The following NKAIN2 variants were observed in gnomAD, a reference collection of about 807,000 sequenced individuals.
NKAIN2 encodes sodium/potassium transporting ATPase interacting 2, also known as sodium/potassium-transporting ATPase subunit beta-1-interacting protein 2.
A neutral mutation model predicts 32.6 loss-of-function variants in NKAIN2; 14 were observed. The ratio of observed to expected loss-of-function variants is 0.43; its 90% CI spans 0.28 to 0.67. The LOEUF (loss-of-function observed/expected upper bound fraction) is 0.67, where lower values mean the gene tolerates loss of function less well. NKAIN2 is among the 30% of genes least tolerant of loss of function. NKAIN2 has a pLI of 0.17. For missense variants in NKAIN2, 198 were observed against 258.3 expected (o/e 0.77, Z 1.60); for synonymous variants, 80 against 87.2 (o/e 0.92, Z 0.46).
chr6:124,180,109 C>CTGTG (rs375274872), intron 1 of NKAIN2, among the ~76,000 whole-genome samples: 166 of 149,726 alleles, frequency 1.1e-3, no homozygotes, highest in African/African-American at 3.7e-3. Context: ...TAGATATCTA[C>CTGTG]TGTGTGTGTG....
intron 1 of NKAIN2, among the ~76,000 whole-genome samples, chr6:123,900,829 C>T (rs902324247): frequency 5.3e-5 from 8 of 152,018 alleles, no homozygotes; most frequent in African/African-American, 1.9e-4. Flanking sequence ...TTCCTTGGGA[C>T]ATGGCTACCT....
At chr6:123,891,208 T>G (rs1773999870) in intron 1 of NKAIN2, among the ~76,000 whole-genome samples, 1 of 152,106 alleles carries the variant, frequency 6.6e-6, no homozygotes, top group Non-Finnish European at 1.5e-5. Flanking sequence ...AATTGAGAGT[T>G]GTTTAATGGG....
chr6:124,678,577 T>C (rs1224386667), intron 4 of NKAIN2, among the ~76,000 whole-genome samples: 1 of 152,172 alleles, frequency 6.6e-6, no homozygotes, highest in Non-Finnish European at 1.5e-5. Context: ...GTTTTAATAT[T>C]TTTCATCTCT....
chr6:124,108,360 T>C (rs899665017), intron 1 of NKAIN2, among the ~76,000 whole-genome samples: 1 of 152,110 alleles, frequency 6.6e-6, no homozygotes, highest in Non-Finnish European at 1.5e-5. Flanking sequence ...ATATTTTACT[T>C]GGGTGAAATA....
chr6:124,023,528 A>C (rs1465589968), intron 1 of NKAIN2, among the ~76,000 whole-genome samples: 1 of 152,028 alleles, frequency 6.6e-6, no homozygotes, highest in Non-Finnish European at 1.5e-5. Flanking sequence ...GTTCATTTTT[A>C]TGTCAACATC....
chr6:124,188,112 G>T (rs922776516), intron 1 of NKAIN2, among the ~76,000 whole-genome samples: 1 of 152,050 alleles, frequency 6.6e-6, no homozygotes, highest in African/African-American at 2.4e-5. Context: ...ATGAAAATGC[G>T]CCACAGTTCT....
intron 4 of NKAIN2, among the ~76,000 whole-genome samples, chr6:124,750,336 T>C (rs1320654333): frequency 6.6e-6 from 1 of 151,930 alleles, no homozygotes; most frequent in Non-Finnish European, 1.5e-5. Context: ...TCCATAACTG[T>C]GTATATTTAG....
intron 3 of NKAIN2, among the ~76,000 whole-genome samples, chr6:124,506,517 G>T (rs1778487891): frequency 6.6e-6 from 1 of 152,172 alleles, no homozygotes; most frequent in South Asian, 2.1e-4. Flanking sequence ...CCCAATTGAG[G>T]TTTTCATACC....
intron 1 of NKAIN2, among the ~76,000 whole-genome samples, chr6:124,207,158 G>A (rs1161504277): frequency 6.6e-6 from 1 of 151,626 alleles, no homozygotes; most frequent in East Asian, 1.9e-4. Flanking sequence ...CAGGTGCTAA[G>A]GCTCACACCT....
At chr6:124,302,629 A>T (rs1428562661) in intron 2 of NKAIN2, among the ~76,000 whole-genome samples, 1 of 152,178 alleles carries the variant, frequency 6.6e-6, no homozygotes, top group Non-Finnish European at 1.5e-5. Context: ...AATTAAAGCA[A>T]AACAGAAATA....
intron 5 of NKAIN2, among the ~76,000 whole-genome samples, chr6:124,806,243 G>T (rs1207299890): frequency 3.9e-5 from 6 of 152,178 alleles, no homozygotes; most frequent in Non-Finnish European, 8.8e-5. Context: ...CAGAGAGAAA[G>T]ATCGGGTTAC....
chr6:124,658,082 A>G (rs1240528692), intron 3 of NKAIN2, 104 bp from the exon 4 acceptor site: 1 of 902,600 alleles, frequency 1.1e-6, no homozygotes, highest in Non-Finnish European at 1.7e-6. Context: ...AAAAAAACAA[A>G]CAAACCCACA....
chr6:124,474,904 AT>A (rs1293410588), intron 3 of NKAIN2, among the ~76,000 whole-genome samples: 322 of 142,040 alleles, frequency 2.3e-3, no homozygotes, highest in African/African-American at 7.8e-3. Flanking sequence ...TATGTATCAT[AT>A]TATATACTAT....
chr6:124,055,960 T>C (rs938629864), intron 1 of NKAIN2, among the ~76,000 whole-genome samples: 2 of 152,094 alleles, frequency 1.3e-5, no homozygotes, highest in Non-Finnish European at 2.9e-5. Flanking sequence ...TTCTAGCCAA[T>C]ACCTTTTCTC....
rs560084577 is a variant in NKAIN2, at chr6:123,895,245, A to ACAG, written c.54+91014_54+91016dup. Among the ~76,000 whole-genome samples the ACAG allele has an allele frequency of 5.3e-3, 800 of 151,394 alleles. 9 individuals carry two copies. The highest frequency in any genetic ancestry group is 0.018 in the African/African-American group (762 of 41,340). On this transcript the variant is annotated intron_variant, in intron 1 of 6. Transcript: ENST00000368417. ...AACACACACACACATACACACAGCAACAGCAGCAGCAGCAGCAGCAGCAGC... is the reference window on the plus strand; with the variant it reads ...AACACACACACACATACACACAGCAACAGCAGCAGCAGCAGCAGCAGCAGCAGC...
chr6:123,810,097 C>G (rs955785405), intron 1 of NKAIN2, among the ~76,000 whole-genome samples: 5 of 151,964 alleles, frequency 3.3e-5, no homozygotes, highest in Admixed American at 3.3e-4. Flanking sequence ...TGAATCCTCT[C>G]TGGTAATCCT....
chr6:123,938,367 G>A (rs12664990), intron 1 of NKAIN2, among the ~76,000 whole-genome samples: 42,546 of 129,142 alleles, frequency 0.33, 7,560 homozygotes, highest in East Asian at 0.66. Context: ...ATTTGCAATT[G>A]CCGTGAAACC....
At chr6:124,585,778 A>T (rs1781691955) in intron 3 of NKAIN2, among the ~76,000 whole-genome samples, 1 of 152,220 alleles carries the variant, frequency 6.6e-6, no homozygotes, top group African/African-American at 2.4e-5. Context: ...GTATTACTAA[A>T]GTATAATTTA....
intron 1 of NKAIN2, among the ~76,000 whole-genome samples, chr6:123,866,036 G>A (rs1775967427): frequency 6.6e-6 from 1 of 152,142 alleles, no homozygotes; most frequent in Non-Finnish European, 1.5e-5. Context: ...GATACCATAG[G>A]TAGTTTTGGA....
Sources: allele counts gnomAD v4.1 joint callset (sites outside exome capture counted in the v4.1 genomes callset), GRCh38; gene constraint gnomAD v4.1.1; transcripts MANE v1.5; gene names NCBI Gene and HGNC (gene_info 2026-07-23, HGNC 2026-07-21).